The following ZFHX3 variants were observed in gnomAD, a reference collection of about 807,000 sequenced individuals.
ZFHX3 encodes the protein zinc finger homeobox 3.
A neutral mutation model predicts 279.1 loss-of-function variants in ZFHX3; 42 were observed. The ratio of observed to expected loss-of-function variants is 0.15; its 90% CI spans 0.12 to 0.19. The LOEUF is 0.19. Ranked by LOEUF, ZFHX3 falls within the 10% of genes least tolerant of loss-of-function variation. ZFHX3 has a pLI of 1.00. For missense variants in ZFHX3, 4,981 were observed against 4,754.0 expected (o/e 1.05, Z -1.40); for synonymous variants, 2,293 against 1,957.8 (o/e 1.17, Z -4.52).
At chr16:73,454,271 ATG>A (rs1409650618) in intron 3 of ZFHX3, among the ~76,000 whole-genome samples, 1 of 152,206 alleles carries the variant, frequency 6.6e-6, no homozygotes, top group Non-Finnish European at 1.5e-5. Context: ...TTGGGTACCC[ATG>A]ACATTTTATT....
chr16:73,481,616 G>GT (rs1458361132), intron 2 of ZFHX3, among the ~76,000 whole-genome samples: 7 of 151,286 alleles, frequency 4.6e-5, no homozygotes, highest in Non-Finnish European at 1.0e-4. Context: ...GCGTGGTGTT[G>GT]TTTTTTTGTT....
chr16:72,837,020 T>C (rs1190713510), intron 4 of ZFHX3, among the ~76,000 whole-genome samples: 1 of 152,206 alleles, frequency 6.6e-6, no homozygotes, highest in Non-Finnish European at 1.5e-5. Flanking sequence ...CATGCCCATT[T>C]GCTCTCTGCG....
chr16:73,410,519 C>A (rs2017444977), intron 3 of ZFHX3, among the ~76,000 whole-genome samples: 1 of 152,080 alleles, frequency 6.6e-6, no homozygotes, highest in Non-Finnish European at 1.5e-5. Context: ...CCCCATTTAC[C>A]CTGATGTGGT....
At position 73,160,260 on chromosome 16, in the gene ZFHX3, T is replaced by C. The variant is rs867114529; in HGVS notation, c.-1103-16429A>G. Among the ~76,000 whole-genome samples, 6 of 152,118 alleles carry C rather than the reference T, an allele frequency of 3.9e-5. 1 individual carries two copies. The highest frequency in any genetic ancestry group is 7.3e-5 in the Non-Finnish European group (5 of 68,030). ...CTTCTGATGCTGAAGCAGGAAGAAA[T>C]TGATTCCCTGAAAAGACCAACAATG... On this transcript the variant is annotated intron_variant, in intron 5 of 17. Coordinates refer to the ZFHX3 transcript ENST00000641206.
At chr16:73,665,213 T>C (rs1345987356) in intron 2 of ZFHX3, among the ~76,000 whole-genome samples, 3 of 2,528 alleles carry the variant, frequency 1.2e-3, no homozygotes, top group African/African-American at 2.5e-3. Flanking sequence ...ATCATTGCAC[T>C]TTTTTTTTTT....
intron 3 of ZFHX3, among the ~76,000 whole-genome samples, chr16:73,343,574 AAGTT>A: frequency 6.6e-6 from 1 of 152,264 alleles, no homozygotes; most frequent in Non-Finnish European, 1.5e-5. Flanking sequence ...AACATTTAAG[AAGTT>A]AGCTGGGCAT....
Position 72,796,041 on chromosome 16 carries a change from G to A in ZFHX3, c.6641C>T (p.Pro2214Leu). 1 of 1,614,186 alleles carries A rather than the reference G, an allele frequency of 6.2e-7. No individual in the cohort carries two copies. Among genetic ancestry groups the A allele is most frequent in the Non-Finnish European group, 8.5e-7 (1 of 1,180,042 alleles). The change falls in exon 9 of 10, where the codon CCT becomes CTT. Residue 2214 changes from proline to leucine, a missense_variant. Pro to Leu is a moderately conservative substitution (Grantham distance 98). Coordinates refer to ENST00000268489, the MANE Select transcript of ZFHX3 (RefSeq NM_006885.4). ...GAGCTCCTCCAGGCTGGTGATAGGA[G>A]GATTACTGAAGTTGTAAGGGGAGTC... ...NKDSPYNFSNPPITSLEELKI... is the reference protein window; with the variant it reads ...NKDSPYNFSNLPITSLEELKI...
rs149667267 is a variant in ZFHX3 at position 73,336,858 on chromosome 16, C to G, written c.-1290-18522G>C. Among the ~76,000 whole-genome samples the G allele has an allele frequency of 3.3e-5, 5 of 152,260 alleles. No individual in the cohort carries two copies. The East Asian group carries it at 9.7e-4, about 29-fold the overall frequency. On this transcript the variant is annotated intron_variant, in intron 3 of 17. Transcript: ENST00000641206. ...CCCTTAGCCAAGTTTAAAACAATCACAATTTCAAATTTCCTTCTCATGATC... is the reference window on the plus strand; with the variant it reads ...CCCTTAGCCAAGTTTAAAACAATCAGAATTTCAAATTTCCTTCTCATGATC...
intron 3 of ZFHX3, among the ~76,000 whole-genome samples, chr16:72,911,533 G>C (rs1458205650): frequency 6.6e-6 from 1 of 152,204 alleles, no homozygotes; most frequent in African/African-American, 2.4e-5. Context: ...GAGAAACAAC[G>C]TGTCGGGGAA....
intron 4 of ZFHX3, among the ~76,000 whole-genome samples, chr16:72,878,706 G>C (rs1211320345): frequency 1.3e-5 from 2 of 152,214 alleles, no homozygotes; most frequent in Admixed American, 6.5e-5. Flanking sequence ...CTTGTCCCGT[G>C]GATGAGTTTG....
chr16:73,028,297 C>T (rs1964582156), intron 1 of ZFHX3, among the ~76,000 whole-genome samples: 1 of 152,138 alleles, frequency 6.6e-6, no homozygotes, highest in Admixed American at 6.5e-5. Context: ...GTCTCAAGAC[C>T]TCAGTCCACC....
chr16:72,832,739 G>A (rs2037093044), intron 4 of ZFHX3, among the ~76,000 whole-genome samples: 1 of 151,346 alleles, frequency 6.6e-6, no homozygotes, highest in South Asian at 2.1e-4. Context: ...TACAGGTGTC[G>A]CCCTCCGCAT....
intron 5 of ZFHX3, among the ~76,000 whole-genome samples, chr16:73,240,152 G>T (rs991604031): frequency 6.6e-6 from 1 of 152,026 alleles, no homozygotes; most frequent in African/African-American, 2.4e-5. Context: ...TTCTTTGTAA[G>T]GGACACCACA....
chr16:73,862,160 C>A (rs915212519), intron 1 of ZFHX3, among the ~76,000 whole-genome samples: 4 of 152,164 alleles, frequency 2.6e-5, no homozygotes, highest in African/African-American at 9.7e-5. Context: ...GTAGCCATGG[C>A]ACCAGCTTTC....
At chr16:73,151,474 G>A (rs1003154655) in intron 5 of ZFHX3, among the ~76,000 whole-genome samples, 2 of 152,100 alleles carry the variant, frequency 1.3e-5, no homozygotes, top group Non-Finnish European at 2.9e-5. Flanking sequence ...AGGCCTTGAG[G>A]AACTGTGAGA....
intron 1 of ZFHX3, among the ~76,000 whole-genome samples, chr16:73,830,583 C>A (rs1298798523): frequency 1.3e-5 from 2 of 152,112 alleles, no homozygotes; most frequent in African/African-American, 2.4e-5. Context: ...GGATTTTATT[C>A]CCATTTCCTG....
intron 2 of ZFHX3, among the ~76,000 whole-genome samples, chr16:73,650,585 A>G (rs1274221532): frequency 6.6e-6 from 1 of 152,196 alleles, no homozygotes; most frequent in Non-Finnish European, 1.5e-5. Context: ...ATTTTTACCA[A>G]TCAGCTATTT....
rs544663337 is a variant in ZFHX3, at chr16:73,846,134, G to A, written c.-1608+45517C>T. On this transcript the variant is annotated intron_variant, in intron 1 of 17. Transcript: ENST00000641206. ...TTTACTTTGAAAGCACATTGAAATT[G>A]TTCTGTACTTGGCAGCGGTGGTTAC... is the stretch of plus-strand genomic sequence containing the variant. 5.9e-5 allele frequency among the ~76,000 whole-genome samples: 9 copies of A among 152,218 alleles called. 1 individual carries two copies. The highest frequency in any genetic ancestry group is 6.8e-3 in the Middle Eastern group (2 of 294).
intron 3 of ZFHX3, among the ~76,000 whole-genome samples, chr16:73,348,152 G>A (rs1177715116): frequency 6.6e-6 from 1 of 152,124 alleles, no homozygotes; most frequent in Non-Finnish European, 1.5e-5. Flanking sequence ...AAAGGAAACT[G>A]CCTCCAACCA....
Sources: gnomAD v4.1 joint callset for allele counts (sites outside exome capture counted in the v4.1 genomes callset) on GRCh38, gnomAD v4.1.1 for gene constraint, MANE v1.5 for transcripts, NCBI Gene and HGNC (gene_info 2026-07-23, HGNC 2026-07-21) for gene names.